SUMF1: variants seen among roughly 807,000 people sequenced by gnomAD.
SUMF1 encodes formylglycine-generating enzyme.
A neutral mutation model predicts 47.6 loss-of-function variants in SUMF1; 48 were observed. The ratio of observed to expected loss-of-function variants is 1.01; its 90% CI spans 0.80 to 1.28. The LOEUF is 1.28. Among genes scored for constraint, SUMF1 ranks in the 50% most tolerant of loss-of-function variants. SUMF1 has a pLI of 0.00. For missense variants in SUMF1, 571 were observed against 485.4 expected, an observed-to-expected ratio of 1.18 and a Z score of -1.66; for synonymous variants, 230 against 192.1, an observed-to-expected ratio of 1.20 and a Z score of -1.63.
chr3:4,308,513 G>GTATTAAAT (rs2125084335), intron 8 of SUMF1, among the ~76,000 whole-genome samples: 1 of 152,318 alleles, frequency 6.6e-6, no homozygotes, highest in East Asian at 1.9e-4. Context: ...TAAAGTGCCT[G>GTATTAAAT]ACATGGAGTA....
intron 1 of SUMF1, among the ~76,000 whole-genome samples, chr3:4,456,879 T>TATAC: frequency 9.5e-6 from 1 of 105,038 alleles, no homozygotes; most frequent in African/African-American, 3.5e-5. Flanking sequence ...TATATCTATA[T>TATAC]GTGTGTGTAT....
At chr3:4,377,139 A>T (rs941130465) in intron 7 of SUMF1, among the ~76,000 whole-genome samples, 1 of 152,190 alleles carries the variant, frequency 6.6e-6, no homozygotes, top group African/African-American at 2.4e-5. Flanking sequence ...TGTAATACTT[A>T]ATAAATAGTT....
chr3:4,436,208 T>C (rs1702391122), intron 3 of SUMF1, among the ~76,000 whole-genome samples: 3 of 152,212 alleles, frequency 2.0e-5, no homozygotes, highest in Non-Finnish European at 4.4e-5. Flanking sequence ...TTCCAATGTA[T>C]GTACATGTAA....
chr3:4,041,917 C>T (rs2125018041), intron 9 of SUMF1, among the ~76,000 whole-genome samples: 1 of 152,192 alleles, frequency 6.6e-6, no homozygotes, highest in African/African-American at 2.4e-5. Context: ...TCTTCCAGAC[C>T]ACATGAAAGG....
chr3:4,392,524 T>A (rs1700900156), intron 7 of SUMF1, among the ~76,000 whole-genome samples: 1 of 151,276 alleles, frequency 6.6e-6, no homozygotes, highest in African/African-American at 2.4e-5. Flanking sequence ...AGATTATACA[T>A]AATATGCATA....
Position 4,121,494 on chromosome 3 carries a change from T to G in SUMF1, c.1015-52749A>C, listed in dbSNP as rs1336992121. Reference sequence around the variant, plus strand: ...TGTTCTTTATGATTAGTACAACTGGTGATGTCCACTTAAGGTAGACCTTCT... The same window carrying G: ...TGTTCTTTATGATTAGTACAACTGGGGATGTCCACTTAAGGTAGACCTTCT... On this transcript the variant is annotated intron_variant and NMD_transcript_variant, in intron 8 of 12. Coordinates refer to the SUMF1 transcript ENST00000448413. 2.0e-5 allele frequency among the ~76,000 whole-genome samples: 3 copies of G among 152,302 alleles called. No homozygotes were observed. In the East Asian group the frequency reaches 5.8e-4, roughly 29 times the overall value.
At chr3:4,267,617 CA>C (rs1575037120) in intron 8 of SUMF1, among the ~76,000 whole-genome samples, 1 of 151,630 alleles carries the variant, frequency 6.6e-6, no homozygotes, top group Admixed American at 6.6e-5. Context: ...TTTATGCAGC[CA>C]AAAAACACAT....
intron 8 of SUMF1, among the ~76,000 whole-genome samples, chr3:4,223,573 A>G (rs980767435): frequency 6.6e-6 from 1 of 152,062 alleles, no homozygotes. Context: ...GCCACTTCTC[A>G]TTCAGCTGCT....
At chr3:4,262,662 C>T (rs548122882) in intron 8 of SUMF1, among the ~76,000 whole-genome samples, 1 of 152,264 alleles carries the variant, frequency 6.6e-6, no homozygotes, top group African/African-American at 2.4e-5. Flanking sequence ...AGCAGAAAGG[C>T]ATGCCTCTTT....
intron 8 of SUMF1, among the ~76,000 whole-genome samples, chr3:4,288,756 T>C (rs1317347848): frequency 6.6e-6 from 1 of 151,210 alleles, no homozygotes; most frequent in African/African-American, 2.4e-5. Flanking sequence ...TGAGCCAAGA[T>C]CGTGTCATTT....
intron 8 of SUMF1, chr3:4,316,865 G>C (rs1340506038): frequency 1.9e-6 from 3 of 1,549,602 alleles, no homozygotes; most frequent in East Asian, 2.4e-5. Flanking sequence ...CATCTGAGAA[G>C]TATGCTCAGG....
At chr3:4,126,773 A>G (rs1693663701) in intron 8 of SUMF1, among the ~76,000 whole-genome samples, 1 of 152,186 alleles carries the variant, frequency 6.6e-6, no homozygotes. Flanking sequence ...AATTGAAAAG[A>G]TATTTGAATT....
chr3:4,127,230 G>A (rs1693674990), intron 8 of SUMF1, among the ~76,000 whole-genome samples: 1 of 152,142 alleles, frequency 6.6e-6, no homozygotes, highest in African/African-American at 2.4e-5. Context: ...ACCAAACCCA[G>A]GATTTCATCC....
At chr3:4,167,458 G>C (rs1694734156) in intron 8 of SUMF1, among the ~76,000 whole-genome samples, 1 of 152,044 alleles carries the variant, frequency 6.6e-6, no homozygotes, top group African/African-American at 2.4e-5. Flanking sequence ...CCATTTTACA[G>C]GGTGCTGATT....
chr3:4,249,057 C>A (rs561173612), intron 8 of SUMF1, among the ~76,000 whole-genome samples: 41 of 152,270 alleles, frequency 2.7e-4, no homozygotes, highest in African/African-American at 9.6e-4. Context: ...CCTGGAGCCA[C>A]TTGGCCCATG....
At chr3:4,303,669 T>A in intron 8 of SUMF1, 1 of 1,486,504 alleles carries the variant, frequency 6.7e-7, no homozygotes. Context: ...GGAATAGGTG[T>A]GCATGCCCCG....
Position 4,215,873 on chromosome 3 carries a change from G to A in SUMF1, c.1015-147128C>T, listed in dbSNP as rs142845366. Among the ~76,000 whole-genome samples the A allele has an allele frequency of 1.6e-3, 248 of 152,250 alleles. 3 individuals carry two copies. Among genetic ancestry groups the A allele is most frequent in the African/African-American group, 5.8e-3 (243 of 41,554 alleles). ...TCTTCCAGGAGAACTACAAACCACTGTTTAAGGAAATAAGAGAGGTCACAA... is the reference window on the plus strand; with the variant it reads ...TCTTCCAGGAGAACTACAAACCACTATTTAAGGAAATAAGAGAGGTCACAA... On this transcript the variant is annotated intron_variant and NMD_transcript_variant, in intron 8 of 12. Coordinates refer to the SUMF1 transcript ENST00000448413.
intron 9 of SUMF1, among the ~76,000 whole-genome samples, chr3:4,036,617 T>TAA (rs3048141): frequency 0.41 from 58,129 of 143,204 alleles, 12,964 homozygotes; most frequent in Non-Finnish European, 0.5. Flanking sequence ...ATGAATCCAT[T>TAA]AAAAAAAAAA....
At chr3:4,410,191 C>G (rs1355226620) in intron 7 of SUMF1, among the ~76,000 whole-genome samples, 3 of 152,192 alleles carry the variant, frequency 2.0e-5, no homozygotes, top group African/African-American at 7.2e-5. Flanking sequence ...CACACATGTC[C>G]ATGTAGTGTC....
Sources: allele counts gnomAD v4.1 joint callset (sites outside exome capture counted in the v4.1 genomes callset), GRCh38; gene constraint gnomAD v4.1.1; transcripts MANE v1.5; gene names NCBI Gene and HGNC (gene_info 2026-07-23, HGNC 2026-07-21).